Variants in ST6GALNAC3 observed in about 807,000 individuals in gnomAD.
ST6GALNAC3 encodes alpha-N-acetylgalactosaminide alpha-2,6-sialyltransferase 3.
A neutral mutation model predicts 32.7 loss-of-function variants in ST6GALNAC3; 25 were observed. The observed-to-expected ratio is 0.76, with a 90% CI of 0.56 to 1.07. The LOEUF (loss-of-function observed/expected upper bound fraction) is 1.07, where lower values mean the gene tolerates loss of function less well. ST6GALNAC3 is among the 50% of genes least tolerant of loss of function. The probability of loss-of-function intolerance (pLI) is 0.00; values close to 1 mark genes in which losing one functional copy is unlikely to be tolerated. For missense variants in ST6GALNAC3, 355 were observed against 382.4 expected, an observed-to-expected ratio of 0.93 and a Z score of 0.60; for synonymous variants, 129 against 133.1, an observed-to-expected ratio of 0.97 and a Z score of 0.21.
intron 1 of ST6GALNAC3, among the ~76,000 whole-genome samples, chr1:76,109,912 G>T (rs1647806183): frequency 6.6e-6 from 1 of 152,196 alleles, no homozygotes; most frequent in African/African-American, 2.4e-5. Context: ...CATTATGAAG[G>T]TAGATTTCCA....
intron 2 of ST6GALNAC3, among the ~76,000 whole-genome samples, chr1:76,405,593 GTGTGTGTGTGTGTATT>G (rs1653769785): frequency 3.1e-5 from 4 of 128,192 alleles, no homozygotes; most frequent in South Asian, 5.9e-4. Flanking sequence ...ACAGATGTGT[GTGTGTGTGTGTGTATT>G]TGTGTGTGTG....
chr1:76,532,868 T>C (rs575773619), intron 3 of ST6GALNAC3, among the ~76,000 whole-genome samples: 1 of 48,134 alleles, frequency 2.1e-5, no homozygotes, highest in East Asian at 9.8e-3. Context: ...AGATGAATAA[T>C]GCTTTTTTTA....
chr1:76,279,317 A>T (rs1659364092), intron 1 of ST6GALNAC3, among the ~76,000 whole-genome samples: 1 of 152,194 alleles, frequency 6.6e-6, no homozygotes, highest in South Asian at 2.1e-4. Context: ...TGTGGATCTG[A>T]CTGGAAAGGA....
chr1:76,177,501 C>T (rs1652924885), intron 1 of ST6GALNAC3, among the ~76,000 whole-genome samples: 1 of 151,964 alleles, frequency 6.6e-6, no homozygotes, highest in Admixed American at 6.6e-5. Flanking sequence ...TTATTAAATA[C>T]TGGTAATTCA....
intron 1 of ST6GALNAC3, among the ~76,000 whole-genome samples, chr1:76,307,619 A>G (rs546630804): frequency 6.6e-6 from 1 of 152,274 alleles, no homozygotes; most frequent in South Asian, 2.1e-4. Flanking sequence ...TGCTTTTCAC[A>G]CTAGTGAATA....
intron 3 of ST6GALNAC3, among the ~76,000 whole-genome samples, chr1:76,469,219 T>C (rs1333736630): frequency 2.6e-5 from 4 of 152,096 alleles, no homozygotes; most frequent in Admixed American, 2.0e-4. Context: ...TAATTATTTA[T>C]TGTGATCCTA....
At chr1:76,178,752 C>T (rs1652998326) in intron 1 of ST6GALNAC3, among the ~76,000 whole-genome samples, 1 of 152,166 alleles carries the variant, frequency 6.6e-6, no homozygotes, top group Non-Finnish European at 1.5e-5. Flanking sequence ...AAATTCTGAA[C>T]TGTCAGTCGG....
At chr1:76,355,405 G>A (rs564769719) in intron 2 of ST6GALNAC3, among the ~76,000 whole-genome samples, 50 of 151,878 alleles carry the variant, frequency 3.3e-4, no homozygotes, top group African/African-American at 1.2e-3. Context: ...CTTCTGCTTT[G>A]AGATGTGCAT....
intron 1 of ST6GALNAC3, among the ~76,000 whole-genome samples, chr1:76,241,811 A>G (rs142640447): frequency 5.7e-4 from 87 of 152,356 alleles, no homozygotes; most frequent in Middle Eastern, 6.8e-3. Context: ...CGTTATTAAA[A>G]TGAATTCCCT....
At chr1:76,206,597 G>A (rs573639333) in intron 1 of ST6GALNAC3, among the ~76,000 whole-genome samples, 7 of 152,112 alleles carry the variant, frequency 4.6e-5, no homozygotes, top group South Asian at 2.1e-4. Flanking sequence ...GCATGGTGGC[G>A]GGTGCCTGTA....
At chr1:76,575,716 G>A (rs1262817109) in intron 3 of ST6GALNAC3, among the ~76,000 whole-genome samples, 1 of 152,040 alleles carries the variant, frequency 6.6e-6, no homozygotes, top group Admixed American at 6.6e-5. Flanking sequence ...TACCAATGAT[G>A]GTATTTGGGC....
At chr1:76,519,351 A>C (rs1662370924) in intron 3 of ST6GALNAC3, among the ~76,000 whole-genome samples, 1 of 152,128 alleles carries the variant, frequency 6.6e-6, no homozygotes, top group Non-Finnish European at 1.5e-5. Flanking sequence ...ATGCTTCTAC[A>C]GTCTCTTTGC....
chr1:76,223,778 G>A (rs1460516163), intron 1 of ST6GALNAC3, among the ~76,000 whole-genome samples: 1 of 151,960 alleles, frequency 6.6e-6, no homozygotes, highest in Non-Finnish European at 1.5e-5. Flanking sequence ...GATTATTGAT[G>A]CCATGATGAT....
chr1:76,177,715 A>G (rs1652935357), intron 1 of ST6GALNAC3, among the ~76,000 whole-genome samples: 1 of 152,218 alleles, frequency 6.6e-6, no homozygotes, highest in South Asian at 2.1e-4. Flanking sequence ...ATTCCCGAAG[A>G]TACCATAAGC....
intron 3 of ST6GALNAC3, among the ~76,000 whole-genome samples, chr1:76,516,711 C>T (rs946275447): frequency 6.6e-6 from 1 of 151,868 alleles, no homozygotes; most frequent in African/African-American, 2.4e-5. Flanking sequence ...ATTTTTATTC[C>T]CTCTGCTAGT....
intron 3 of ST6GALNAC3, among the ~76,000 whole-genome samples, chr1:76,480,563 T>G (rs559272521): frequency 1.3e-4 from 20 of 152,250 alleles, no homozygotes; most frequent in African/African-American, 4.8e-4. Flanking sequence ...GGGTACATAG[T>G]GCCTCTAGCT....
At chr1:76,408,330 A>G (rs1453876530) in intron 2 of ST6GALNAC3, among the ~76,000 whole-genome samples, 2 of 152,158 alleles carry the variant, frequency 1.3e-5, no homozygotes, top group African/African-American at 4.8e-5. Flanking sequence ...CAAGAAGTAC[A>G]AACGTCTCTT....
intron 1 of ST6GALNAC3, among the ~76,000 whole-genome samples, chr1:76,273,782 G>A (rs6593527): frequency 0.15 from 23,092 of 152,098 alleles, 3,217 homozygotes; most frequent in African/African-American, 0.36. Context: ...ACTTTTGGTA[G>A]CAATCTAAAT....
chr1:76,122,463 G>C (rs1183809608), intron 1 of ST6GALNAC3, among the ~76,000 whole-genome samples: 1 of 152,126 alleles, frequency 6.6e-6, no homozygotes, highest in East Asian at 1.9e-4. Flanking sequence ...TCTCTCTCAA[G>C]CCAATGAAGA....
Sources: gnomAD v4.1 joint callset for allele counts (sites outside exome capture counted in the v4.1 genomes callset) on GRCh38, gnomAD v4.1.1 for gene constraint, MANE v1.5 for transcripts, NCBI Gene and HGNC (gene_info 2026-07-23, HGNC 2026-07-21) for gene names.